The following DUOX2 variants were observed in gnomAD, a reference collection of about 807,000 sequenced individuals.
DUOX2 encodes dual oxidase 2.
DUOX2 carries 185 observed loss-of-function variants against 183.3 expected under a neutral mutation model. The observed-to-expected ratio is 1.01, with a 90% CI of 0.90 to 1.14. The LOEUF (loss-of-function observed/expected upper bound fraction) is 1.14. DUOX2 is among the 50% of genes most tolerant of loss of function. The pLI, the probability that DUOX2 is intolerant of heterozygous loss-of-function variation, is 0.00. For synonymous variants in DUOX2, 788 were observed against 812.4 expected (o/e 0.97, Z 0.51); for missense variants, 1,999 against 2,022.9 (o/e 0.99, Z 0.23).
rs1047400860 is a variant in DUOX2, at chr15:45,093,558, C to G, written c.*592G>C. On this transcript the variant is annotated 3_prime_UTR_variant, in exon 34 of 34. Transcript: ENST00000389039. Reference sequence around the variant, plus strand: ...GACCTGGAGACAGAGTTGAGGCAGTCGGGCTGTCCAGGTTCTAAGCATCAC... The same window carrying G: ...GACCTGGAGACAGAGTTGAGGCAGTGGGGCTGTCCAGGTTCTAAGCATCAC... The G allele has an allele frequency of 6.4e-6, 1 of 155,272 alleles. No homozygotes were observed. Among genetic ancestry groups the G allele is most frequent in the Admixed American group, 6.3e-5 (1 of 15,916 alleles). 9.6% of individuals were successfully genotyped at this position (155,272 alleles called of 1,614,324 possible).
At position 45,110,505 on chromosome 15, in the gene DUOX2, G is replaced by T. The variant is rs773193150; in HGVS notation, c.963C>A (p.Asp321Glu). The change falls in exon 9 of 34, where the codon GAC (aspartate) becomes GAA (glutamate). Residue 321 changes from aspartate (D) to glutamate (E), a missense_variant. Physicochemically the swap from Asp to Glu is conservative, Grantham distance 45. Transcript: ENST00000389039. Reference protein sequence around the residue: ...PEYTGYRPFLDPSISPEFVVA... With the variant: ...PEYTGYRPFLEPSISPEFVVA... ...CCACAAATTCCGGGGAGATGCTGGG[G>T]TCTAGGAAAGGACGGTATCCTGCAG... is the stretch of plus-strand genomic sequence containing the variant. 4 of 1,614,170 alleles carry T rather than the reference G, an allele frequency of 2.5e-6. No homozygotes were observed. The South Asian group carries it at 4.4e-5, about 18-fold the overall frequency.
At chr15:45,110,116 T>A in intron 9 of DUOX2, 136 bp from the exon 10 acceptor site, 1 of 840,166 alleles carries the variant, frequency 1.2e-6, no homozygotes. Flanking sequence ...ACGGCAGAGA[T>A]TTGGTGATGT....
chr15:45,101,986 G>A lies in DUOX2; in HGVS notation c.2658C>T (p.Ser886=), dbSNP rs776388285. ...SKDEFFTMMR[S]FIEISNNCLS... is the part of the protein sequence containing the mutation. ...GGCAGTTGTTGGAGATCTCGATGAA[G>A]GATCTGGAGGAGGACCAGAGACACA... Residue 886 remains serine, a synonymous_variant, in exon 21 of 34, where the codon TCC becomes TCT. Transcript: ENST00000389039. 2 of 1,614,186 alleles carry A rather than the reference G, an allele frequency of 1.2e-6. No homozygotes were observed. The highest frequency in any genetic ancestry group is 1.7e-5 in the Admixed American group (1 of 60,026).
At position 45,106,921 on chromosome 15, in the gene DUOX2, TG is replaced by T; in HGVS notation, c.1741del (p.Gln581SerfsTer5). On this transcript the variant is annotated frameshift_variant, in exon 15 of 34. Coordinates refer to ENST00000389039, the MANE Select transcript of DUOX2 (RefSeq NM_001363711.2). LOFTEE classifies it high-confidence loss of function. ...PKQLTTDGLPQCAPLTVLDFF... is the reference protein window; with the variant it reads ...PKQLTTDGLPXCAPLTVLDFF... Reference sequence around the variant, plus strand: ...GTCAAGCACAGTCAGGGGTGCACACTGGGGCAGGCCGTCAGTTGTGAGCTGC... The same window carrying T: ...GTCAAGCACAGTCAGGGGTGCACACTGGGCAGGCCGTCAGTTGTGAGCTGC... The T allele has an allele frequency of 6.3e-7, 1 of 1,581,834 alleles. No homozygotes were observed. Among genetic ancestry groups the T allele is most frequent in the Admixed American group, 1.9e-5 (1 of 53,118 alleles).
At position 45,105,747 on chromosome 15, in the gene DUOX2, G is replaced by T. The variant is rs764697779; in HGVS notation, c.2230C>A (p.Leu744Ile). ...TTCTCGCTCATCTCAGCCACATGGAGGCCCAGAGCCCAGCGCACGCAGAAG... is the reference window on the plus strand; with the variant it reads ...TTCTCGCTCATCTCAGCCACATGGATGCCCAGAGCCCAGCGCACGCAGAAG... ...WDFCVRWALG[L>I]HVAEMSEKEL... is the part of the protein sequence containing the mutation. Residue 744 changes from leucine (L) to isoleucine (I), a missense_variant, in exon 18 of 34, where the codon CTC becomes ATC. Physicochemically the swap from Leu to Ile is conservative, Grantham distance 5. Around this residue, in one of 3 missense-constraint regions of DUOX2, gnomAD observed 1,628 missense variants for 1,608.6 expected, o/e 1.01. Transcript: ENST00000389039. 1.9e-6 allele frequency: 3 copies of T among 1,614,216 alleles called. No homozygotes were observed. Among genetic ancestry groups the T allele is most frequent in the Non-Finnish European group, 2.5e-6 (3 of 1,180,046 alleles).
At chr15:45,113,207 G>C in intron 2 of DUOX2, 131 bp from the exon 3 acceptor site, 1 of 1,447,150 alleles carries the variant, frequency 6.9e-7, no homozygotes, top group Non-Finnish European at 9.5e-7. Context: ...GGCCGCACTG[G>C]GAAGTTTCCC....
In DUOX2 at chr15:45,106,392, A is replaced by G. The variant is rs984886748; in HGVS notation, c.1946-65T>C. 3.6e-5 allele frequency: 57 copies of G among 1,602,878 alleles called. No individual in the cohort carries two copies. The African/African-American group carries it at 7.1e-4, about 20-fold the overall frequency. On this transcript the variant is annotated intron_variant, in intron 16 of 33. Coordinates refer to ENST00000389039, the MANE Select transcript of DUOX2 (RefSeq NM_001363711.2). Reference sequence around the variant, plus strand: ...TCCCCAGGTCCCCGCCTTCAGGTCAATTCCTCTGTGAGTCTGAGCAGGCGC... The same window carrying G: ...TCCCCAGGTCCCCGCCTTCAGGTCAGTTCCTCTGTGAGTCTGAGCAGGCGC...
Position 45,094,100 on chromosome 15 carries a change from G to A in DUOX2, c.*50C>T, listed in dbSNP as rs1364917944. The stretch of plus-strand genomic sequence containing the variant: ...GCCAGCAGGGCTGGGCAACTTAGGT[G>A]CACAGAAGAGAAGGCAGGATACTGG... On this transcript the variant is annotated 3_prime_UTR_variant, in exon 34 of 34. Coordinates refer to ENST00000389039, the MANE Select transcript of DUOX2 (RefSeq NM_001363711.2). 21 of 1,613,802 alleles carry A rather than the reference G, an allele frequency of 1.3e-5. No homozygotes were observed. Among genetic ancestry groups the A allele is most frequent in the Non-Finnish European group, 1.7e-5 (20 of 1,179,892 alleles).
rs1893805084 is a variant in DUOX2 at position 45,093,187 on chromosome 15, G to T, written c.*963C>A. On this transcript the variant is annotated 3_prime_UTR_variant, in exon 34 of 34. Coordinates refer to ENST00000389039, the MANE Select transcript of DUOX2 (RefSeq NM_001363711.2). ...CAGCTGTCCCAATCTGCCTGGGACT[G>T]ATGGGGTTTCCTGGGGCAAGAGACT... The T allele has an allele frequency of 6.6e-6, 1 of 152,258 alleles. No homozygotes were observed. The highest frequency in any genetic ancestry group is 6.5e-5 in the Admixed American group (1 of 15,290). The allele number at this position is 152,258 out of a possible 1,614,324, so 9.4% of individuals were successfully genotyped here.
chr15:45,097,885 C>T, intron 27 of DUOX2, 124 bp downstream of exon 27: 56 of 1,547,510 alleles, frequency 3.6e-5, no homozygotes, highest in Non-Finnish European at 5.0e-5. Flanking sequence ...GGGATTTGAG[C>T]TGGGGCTTGT....
rs371311874 is a variant in DUOX2, at chr15:45,097,399, C to T, written c.3694-8G>A. The T allele has an allele frequency of 1.2e-6, 2 of 1,614,232 alleles. No homozygotes were observed. The highest frequency in any genetic ancestry group is 1.3e-5 in the African/African-American group (1 of 75,082). On this transcript the variant is annotated splice_polypyrimidine_tract_variant and splice_region_variant and intron_variant, in intron 28 of 33. Coordinates refer to ENST00000389039, the MANE Select transcript of DUOX2 (RefSeq NM_001363711.2). ...GCTGCCATGGATGATGAGCTGGAGA[C>T]ACGGCCAGTTAGTACAACTCAGGCC... is the stretch of plus-strand genomic sequence containing the variant.
chr15:45,097,431 G>T, intron 28 of DUOX2, 40 bp from the exon 29 acceptor site: 3 of 1,614,146 alleles, frequency 1.9e-6, no homozygotes, highest in Non-Finnish European at 2.5e-6. Flanking sequence ...GGCCCAGCCA[G>T]GCCCCTGCCC....
chr15:45,109,933 C>G lies in DUOX2; in HGVS notation c.1088G>C (p.Ser363Thr). 2 of 1,614,146 alleles carry G rather than the reference C, an allele frequency of 1.2e-6. No individual in the cohort carries two copies. Reference sequence around the variant, plus strand: ...GTTGCAGACCCTGAGAGCTTGGGAGCTTTGAAAACCCTTGTTCAGGACCTT... The same window carrying G: ...GTTGCAGACCCTGAGAGCTTGGGAGGTTTGAAAACCCTTGTTCAGGACCTT... ...FRKVLNKGFQ[S>T]SQALRVCNNY... The change falls in exon 10 of 34, where the codon AGC (serine) becomes ACC (threonine). Residue 363 changes from serine to threonine, a missense_variant. Transcript: ENST00000389039.
intron 14 of DUOX2, 98 bp downstream of exon 14, chr15:45,107,247 C>A (rs1310315580): frequency 7.4e-6 from 11 of 1,492,390 alleles, no homozygotes; most frequent in African/African-American, 1.4e-5. Flanking sequence ...ACAGAAGGTG[C>A]CTGGCTCCCT....
At chr15:45,111,609 C>A (rs1340750926) in intron 5 of DUOX2, 24 bp from the exon 6 acceptor site, 24 of 1,514,302 alleles carry the variant, frequency 1.6e-5, no homozygotes, top group Non-Finnish European at 2.0e-5. Flanking sequence ...GGCGGGTGAG[C>A]CCGGGTCGAG....
intron 11 of DUOX2, 73 bp downstream of exon 11, chr15:45,109,451 C>G: frequency 7.5e-7 from 1 of 1,337,454 alleles, no homozygotes; most frequent in Non-Finnish European, 1.1e-6. Context: ...CCTAGGTCTG[C>G]TATTGATGAA....
At chr15:45,100,580 G>C (rs79374174) in intron 23 of DUOX2, among the ~76,000 whole-genome samples, 175 bp downstream of exon 23, 1,843 of 152,314 alleles carry the variant, frequency 0.012, 35 homozygotes, top group African/African-American at 0.043. Context: ...ATGGGGTGCA[G>C]AGGCTGGAAG....
At chr15:45,108,745 A>G (rs1448015725) in intron 12 of DUOX2, 44 bp downstream of exon 12, 2 of 1,601,580 alleles carry the variant, frequency 1.2e-6, no homozygotes, top group South Asian at 1.1e-5. Flanking sequence ...CAGTATTGCC[A>G]TAGGAAAGCT....
At chr15:45,096,166 T>C in intron 29 of DUOX2, 106 bp from the exon 30 acceptor site, 3 of 980,116 alleles carry the variant, frequency 3.1e-6, no homozygotes, top group South Asian at 1.4e-5. Flanking sequence ...TGGGGAGTAG[T>C]CACATGGTCT....
Sources: allele counts gnomAD v4.1 joint callset (sites outside exome capture counted in the v4.1 genomes callset), GRCh38; gene constraint gnomAD v4.1.1; regional missense constraint gnomAD v4.1.1; transcripts MANE v1.5; gene names NCBI Gene and HGNC (gene_info 2026-07-23, HGNC 2026-07-21).